The following LINGO2 variants were observed in gnomAD, a reference collection of about 807,000 sequenced individuals.
LINGO2 encodes the protein leucine rich repeat and Ig domain containing 2, also known as leucine-rich repeat and immunoglobulin-like domain-containing nogo receptor-interacting protein 2.
A neutral mutation model predicts 30.6 loss-of-function variants in LINGO2; 14 were observed. That is an observed-to-expected ratio of 0.46 (90% confidence interval 0.30 to 0.72). The LOEUF is 0.72. LINGO2 is among the 30% of genes least tolerant of loss of function. The pLI is 0.07. For synonymous variants in LINGO2, 317 were observed against 288.5 expected (o/e 1.10, Z -1.00); for missense variants, 729 against 751.7 (o/e 0.97, Z 0.35).
intron 3 of LINGO2, among the ~76,000 whole-genome samples, chr9:28,321,874 C>G (rs187064432): frequency 6.6e-6 from 1 of 151,440 alleles, no homozygotes; most frequent in Non-Finnish European, 1.5e-5. Context: ...TTAGGACAGG[C>G]GATGGAAAGC....
At chr9:28,557,279 T>C (rs1042350994) in intron 1 of LINGO2, among the ~76,000 whole-genome samples, 1 of 151,662 alleles carries the variant, frequency 6.6e-6, no homozygotes, top group African/African-American at 2.4e-5. Flanking sequence ...GAATCTACAA[T>C]GAACTCCAAC....
chr9:29,015,146 A>G, the LINGO2 span, among the ~76,000 whole-genome samples: 1 of 152,106 alleles, frequency 6.6e-6, no homozygotes, highest in South Asian at 2.1e-4. Context: ...ATGGAGACTC[A>G]GAAGGGTGAG....
At chr9:28,434,520 C>G (rs1398692935) in intron 2 of LINGO2, among the ~76,000 whole-genome samples, 1 of 119,242 alleles carries the variant, frequency 8.4e-6, no homozygotes, top group African/African-American at 3.0e-5. Flanking sequence ...GAATAAAGTT[C>G]TTGAGCATCA....
At chr9:28,919,950 A>G in the LINGO2 span, among the ~76,000 whole-genome samples, 1 of 152,234 alleles carries the variant, frequency 6.6e-6, no homozygotes, top group Non-Finnish European at 1.5e-5. Flanking sequence ...GAATATTTCT[A>G]TACTTTATAT....
chr9:28,967,375 C>A, the LINGO2 span, among the ~76,000 whole-genome samples: 16 of 152,086 alleles, frequency 1.1e-4, no homozygotes, highest in African/African-American at 3.9e-4. Flanking sequence ...AACTATCCTA[C>A]CACTAGGCCA....
intron 2 of LINGO2, among the ~76,000 whole-genome samples, chr9:28,409,567 T>C (rs577034612): frequency 3.9e-4 from 60 of 152,140 alleles, no homozygotes; most frequent in African/African-American, 1.4e-3. Flanking sequence ...TAATTTTATA[T>C]TTCATATAAA....
chr9:28,842,932 T>C, the LINGO2 span, among the ~76,000 whole-genome samples: 18 of 151,852 alleles, frequency 1.2e-4, no homozygotes, highest in African/African-American at 3.9e-4. Context: ...TTTGGAGTTA[T>C]TTTTCTCAGA....
intron 4 of LINGO2, among the ~76,000 whole-genome samples, chr9:28,172,414 A>T: frequency 6.6e-6 from 1 of 151,904 alleles, no homozygotes. Context: ...AGAATTCACC[A>T]GGCACTAAAC....
chr9:28,708,680 T>C, the LINGO2 span, among the ~76,000 whole-genome samples: 2 of 152,018 alleles, frequency 1.3e-5, no homozygotes, highest in Non-Finnish European at 2.9e-5. Flanking sequence ...CTTCTTCGTG[T>C]AGCTTCCTTT....
At chr9:28,661,684 T>G (rs77349119) in intron 1 of LINGO2, among the ~76,000 whole-genome samples, 1 of 152,106 alleles carries the variant, frequency 6.6e-6, no homozygotes, top group Non-Finnish European at 1.5e-5. Flanking sequence ...TTGAAAAATT[T>G]GAGACATGGA....
chr9:28,014,815 T>C (rs1013683382), intron 4 of LINGO2, among the ~76,000 whole-genome samples: 2 of 152,134 alleles, frequency 1.3e-5, no homozygotes, highest in East Asian at 1.9e-4. Flanking sequence ...TTAGTCCTCA[T>C]AGAACTGTAC....
chr9:28,359,786 C>T (rs1248724904), intron 3 of LINGO2, among the ~76,000 whole-genome samples: 1 of 152,174 alleles, frequency 6.6e-6, no homozygotes, highest in Non-Finnish European at 1.5e-5. Flanking sequence ...ATGCGTAACA[C>T]TTTTGTTTAG....
At chr9:28,231,475 T>C (rs1049271976) in intron 4 of LINGO2, among the ~76,000 whole-genome samples, 6 of 152,174 alleles carry the variant, frequency 3.9e-5, no homozygotes, top group African/African-American at 1.4e-4. Context: ...TTTAATTTTT[T>C]AAAAGGAAGT....
intron 3 of LINGO2, among the ~76,000 whole-genome samples, chr9:28,366,219 A>G (rs905360396): frequency 6.6e-6 from 1 of 152,120 alleles, no homozygotes; most frequent in African/African-American, 2.4e-5. Context: ...GCATAACATC[A>G]TCCATTCTAT....
chr9:28,417,242 C>A (rs914940725), intron 2 of LINGO2, among the ~76,000 whole-genome samples: 1 of 152,140 alleles, frequency 6.6e-6, no homozygotes, highest in Admixed American at 6.6e-5. Flanking sequence ...AAGTTTAAAC[C>A]AAGCCCTATT....
chr9:28,727,229 G>C, the LINGO2 span, among the ~76,000 whole-genome samples: 2 of 151,992 alleles, frequency 1.3e-5, no homozygotes, highest in Admixed American at 6.6e-5. Flanking sequence ...TAGGCAGCTG[G>C]GAATAGCGTT....
chr9:28,159,637 GAA>G (rs10714084), intron 4 of LINGO2, among the ~76,000 whole-genome samples: 11,527 of 151,752 alleles, frequency 0.076, 599 homozygotes, highest in Middle Eastern at 0.13. Flanking sequence ...GAATAGTTAT[GAA>G]AAAAAAACAA....
At chr9:28,821,230 A>G in the LINGO2 span, among the ~76,000 whole-genome samples, 111 of 152,340 alleles carry the variant, frequency 7.3e-4, no homozygotes, top group African/African-American at 2.5e-3. Context: ...CTCCGGTTAT[A>G]TTTAATTCTT....
chr9:28,747,750 A>G, the LINGO2 span, among the ~76,000 whole-genome samples: 1 of 149,760 alleles, frequency 6.7e-6, no homozygotes, highest in Non-Finnish European at 1.5e-5. Context: ...AACATATAGC[A>G]ATCCCTATAA....
Sources: gnomAD v4.1 joint callset for allele counts (sites outside exome capture counted in the v4.1 genomes callset) on GRCh38, gnomAD v4.1.1 for gene constraint, MANE v1.5 for transcripts, NCBI Gene and HGNC (gene_info 2026-07-23, HGNC 2026-07-21) for gene names.